The following OTUD7B variants were observed in gnomAD, a reference collection of about 807,000 sequenced individuals.
OTUD7B encodes OTU deubiquitinase 7B.
OTUD7B carries 34 observed loss-of-function variants against 82.2 expected under a neutral mutation model. That is an observed-to-expected ratio of 0.41 (90% confidence interval 0.31 to 0.55). The LOEUF (loss-of-function observed/expected upper bound fraction) is 0.55. OTUD7B is among the 20% of genes least tolerant of loss of function. The pLI is 0.20. For missense variants in OTUD7B, 944 were observed against 1,062.1 expected (o/e 0.89, Z 1.55); for synonymous variants, 398 against 402.7 (o/e 0.99, Z 0.14).
intron 1 of OTUD7B, among the ~76,000 whole-genome samples, chr1:150,000,397 C>T (rs765814600): frequency 6.6e-5 from 10 of 151,948 alleles, no homozygotes; most frequent in African/African-American, 9.7e-5. Context: ...ATCACTTGAA[C>T]GCTGGAGGTA....
At chr1:149,964,379 C>T in intron 5 of OTUD7B, 30 bp from the exon 6 acceptor site, 1 of 1,606,170 alleles carries the variant, frequency 6.2e-7, no homozygotes, top group Non-Finnish European at 8.5e-7. Context: ...TGGTAAGATA[C>T]CTCAGCTTGA....
At position 149,944,378 on chromosome 1, in the gene OTUD7B, C is replaced by T; in HGVS notation, c.2011G>A (p.Ala671Thr). 6.2e-7 allele frequency: 1 copy of T among 1,614,046 alleles called. No individual in the cohort carries two copies. The highest frequency in any genetic ancestry group is 8.5e-7 in the Non-Finnish European group (1 of 1,179,974). The change falls in exon 12 of 12, where the codon GCT (alanine) becomes ACT (threonine). Residue 671 changes from alanine (A) to threonine (T), a missense_variant. Ala to Thr is a moderately conservative substitution (Grantham distance 58, BLOSUM62 0). This residue lies in a region of OTUD7B where 412 missense variants were observed against 418.7 expected (regional missense o/e 0.98). Coordinates refer to ENST00000581312, the MANE Select transcript of OTUD7B (RefSeq NM_020205.4). ...PPPAKKPEPD[A>T]REEQPTGPPA... Reference sequence around the variant, plus strand: ...GGACCGGTCGGCTGCTCTTCCCTAGCATCTGGCTCTGGCTTTTTGGCTGGA... The same window carrying T: ...GGACCGGTCGGCTGCTCTTCCCTAGTATCTGGCTCTGGCTTTTTGGCTGGA...
At chr1:150,033,360 A>G in the OTUD7B span, among the ~76,000 whole-genome samples, 1 of 152,168 alleles carries the variant, frequency 6.6e-6, no homozygotes, top group African/African-American at 2.4e-5. Flanking sequence ...AGGACAAAAT[A>G]TTCTTCCCTC....
chr1:149,957,977 T>C (rs996621802), intron 7 of OTUD7B, among the ~76,000 whole-genome samples: 6 of 152,358 alleles, frequency 3.9e-5, no homozygotes, highest in Non-Finnish European at 7.3e-5. Context: ...CAACTCCTTG[T>C]GCTTCCCAGG....
the OTUD7B span, among the ~76,000 whole-genome samples, chr1:150,062,185 A>G: frequency 6.6e-6 from 1 of 152,226 alleles, no homozygotes; most frequent in Non-Finnish European, 1.5e-5. Context: ...AGGGAAATAT[A>G]CCAAGGGGAC....
chr1:150,057,562 C>T, the OTUD7B span, among the ~76,000 whole-genome samples: 4 of 152,202 alleles, frequency 2.6e-5, no homozygotes, highest in Non-Finnish European at 5.9e-5. Flanking sequence ...ATACTACATG[C>T]TTCTGTAAGG....
the OTUD7B span, among the ~76,000 whole-genome samples, chr1:150,050,887 G>C: frequency 2.0e-5 from 3 of 146,582 alleles, no homozygotes; most frequent in Non-Finnish European, 4.5e-5. Context: ...AATTGATCCT[G>C]TCTTTAATCA....
intron 1 of OTUD7B, among the ~76,000 whole-genome samples, chr1:150,008,447 A>G (rs1652807987): frequency 6.6e-6 from 1 of 152,236 alleles, no homozygotes; most frequent in African/African-American, 2.4e-5. Context: ...GAAATTTTCC[A>G]AGTTGTTGGC....
chr1:149,963,550 T>G (rs1402310974), intron 6 of OTUD7B: 4 of 5,694 alleles, frequency 7.0e-4, no homozygotes, highest in African/African-American at 8.6e-4. Flanking sequence ...TTTGTTTTTG[T>G]TTTTTTTTGT....
chr1:149,962,132 T>C (rs1479501466), intron 6 of OTUD7B: 1 of 152,204 alleles, frequency 6.6e-6, no homozygotes, highest in African/African-American at 2.4e-5. Flanking sequence ...AGGTTCTATA[T>C]GGAGTGCTGC....
rs115551146 is a variant in OTUD7B at position 149,980,904 on chromosome 1, G to C, written c.-66-3328C>G. The stretch of plus-strand genomic sequence containing the variant: ...CGTGTGTGCCTGTAGTCCCAGCCAC[G>C]TGAGTGGCTGAGGTGGGAGGATTGC... On this transcript the variant is annotated intron_variant, in intron 1 of 11. Transcript: ENST00000581312. 9.2e-3 allele frequency among the ~76,000 whole-genome samples: 1,393 copies of C among 151,586 alleles called. 25 individuals are homozygous for C. Among genetic ancestry groups the C allele is most frequent in the African/African-American group, 0.032 (1,335 of 41,308 alleles).
At chr1:150,060,359 T>G in the OTUD7B span, among the ~76,000 whole-genome samples, 10 of 151,628 alleles carry the variant, frequency 6.6e-5, no homozygotes, top group Non-Finnish European at 1.3e-4. Context: ...ATGATTGGTG[T>G]CCTTATGAGA....
the OTUD7B span, among the ~76,000 whole-genome samples, chr1:150,040,962 G>A: frequency 2.0e-5 from 3 of 151,600 alleles, no homozygotes; most frequent in Non-Finnish European, 4.4e-5. Flanking sequence ...TGCCCTCCTC[G>A]GCCTCCCAAA....
At chr1:149,978,238 G>A (rs1650459886) in intron 1 of OTUD7B, among the ~76,000 whole-genome samples, 1 of 152,202 alleles carries the variant, frequency 6.6e-6, no homozygotes, top group Non-Finnish European at 1.5e-5. Flanking sequence ...CAGGTGCGGT[G>A]GCTCACGCCT....
At chr1:150,056,529 A>T in the OTUD7B span, among the ~76,000 whole-genome samples, 15 of 152,278 alleles carry the variant, frequency 9.9e-5, no homozygotes, top group East Asian at 2.9e-3. Context: ...CTCAATTCTC[A>T]CATCAATCTG....
chr1:150,065,614 C>A, the OTUD7B span, among the ~76,000 whole-genome samples: 1 of 152,168 alleles, frequency 6.6e-6, no homozygotes, highest in African/African-American at 2.4e-5. Context: ...TTTGCTGTCA[C>A]TTGCCTGCAA....
chr1:149,969,379 A>C (rs1649748173), intron 3 of OTUD7B, among the ~76,000 whole-genome samples: 1 of 152,306 alleles, frequency 6.6e-6, no homozygotes, highest in South Asian at 2.1e-4. Flanking sequence ...AAAGGTATAA[A>C]ATGATTTCAC....
the OTUD7B span, chr1:150,050,435 T>G: frequency 6.6e-6 from 1 of 152,220 alleles, no homozygotes; most frequent in Non-Finnish European, 1.5e-5. Flanking sequence ...GATACACTAC[T>G]GTCAATTGCA....
chr1:149,952,427 A>T (rs1366541115), intron 7 of OTUD7B, among the ~76,000 whole-genome samples: 2 of 151,870 alleles, frequency 1.3e-5, no homozygotes, highest in African/African-American at 4.8e-5. Context: ...TATGTGCCAC[A>T]TTTTCTTAAT....
Sources: gnomAD v4.1 joint callset for allele counts (sites outside exome capture counted in the v4.1 genomes callset) on GRCh38, gnomAD v4.1.1 for gene constraint, gnomAD v4.1.1 regional missense constraint, MANE v1.5 for transcripts, NCBI Gene and HGNC (gene_info 2026-07-23, HGNC 2026-07-21) for gene names.